Variants in GRTP1 observed in about 807,000 individuals in gnomAD.
GRTP1 encodes the protein growth hormone-regulated TBC protein 1.
In GRTP1, 56 loss-of-function variants were observed where a neutral mutation model predicts 38.1. That is an observed-to-expected ratio of 1.47 (90% CI 1.19 to 1.84). The LOEUF is 1.84. GRTP1 is among the 40% of genes most tolerant of loss of function. The probability of loss-of-function intolerance (pLI) is 0.00; values close to 1 mark genes in which losing one functional copy is unlikely to be tolerated. For missense variants in GRTP1, 506 were observed against 453.9 expected (o/e 1.11, Z -1.04); for synonymous variants, 217 against 189.5 (o/e 1.14, Z -1.19).
intron 3 of GRTP1, among the ~76,000 whole-genome samples, chr13:113,353,029 T>C (rs1294783534): frequency 6.7e-6 from 1 of 149,670 alleles, no homozygotes; most frequent in Non-Finnish European, 1.5e-5. Flanking sequence ...AGCCCCACAC[T>C]CTGGGTAGGA....
At chr13:113,325,237 G>T in intron 7 of GRTP1, 4 of 1,183,368 alleles carry the variant, frequency 3.4e-6, no homozygotes, top group Non-Finnish European at 4.2e-6. Flanking sequence ...GGAAACTACT[G>T]ACTCCCAGGC....
chr13:113,362,883 A>C (rs2043523453), intron 2 of GRTP1, among the ~76,000 whole-genome samples: 2 of 152,112 alleles, frequency 1.3e-5, no homozygotes, highest in South Asian at 4.1e-4. Context: ...TCCTAGCTCC[A>C]GGGCACACTC....
intron 5 of GRTP1, among the ~76,000 whole-genome samples, chr13:113,329,235 C>T (rs1045067811): frequency 6.6e-6 from 1 of 152,206 alleles, no homozygotes; most frequent in African/African-American, 2.4e-5. Context: ...GTATAATCCA[C>T]GCATAACACA....
At chr13:113,351,041 C>A in intron 3 of GRTP1, 68 bp from the exon 4 acceptor site, 1 of 1,600,316 alleles carries the variant, frequency 6.2e-7, no homozygotes, top group Non-Finnish European at 8.5e-7. Flanking sequence ...CTCCAGCTGC[C>A]CCGAGGGTGG....
At chr13:113,325,283 G>A in intron 7 of GRTP1, 1 of 1,280,396 alleles carries the variant, frequency 7.8e-7, no homozygotes, top group South Asian at 2.7e-5. Flanking sequence ...TCCTCAGAAG[G>A]CCTGTCAGGT....
chr13:113,348,825 C>T lies in GRTP1; in HGVS notation c.465+2024G>A, dbSNP rs905556083. On this transcript the variant is annotated intron_variant, in intron 4 of 7. Transcript: ENST00000375431. This position sits in a 1 kb window ranked among gnomAD's most constrained non-coding sequence, Gnocchi z 4.8. ...ACCCGCCCCGCAGACGCCGCGACCTCACCTGCCCCGCAGATGCCGCGACCT... is the reference window on the plus strand; with the variant it reads ...ACCCGCCCCGCAGACGCCGCGACCTTACCTGCCCCGCAGATGCCGCGACCT... Among the ~76,000 whole-genome samples the T allele has an allele frequency of 2.6e-5, 4 of 152,036 alleles. No individual in the cohort carries two copies. The highest frequency in any genetic ancestry group is 9.7e-5 in the African/African-American group (4 of 41,398).
chr13:113,344,866 G>A lies in GRTP1; in HGVS notation c.559C>T (p.Pro187Ser). 1.2e-6 allele frequency: 2 copies of A among 1,606,202 alleles called. No individual in the cohort carries two copies. The highest frequency in any genetic ancestry group is 1.3e-5 in the African/African-American group (1 of 74,736). Residue 187 changes from proline (P) to serine (S), a missense_variant, in exon 5 of 8, where the codon CCA (proline) becomes TCA (serine). Transcript: ENST00000375431. The stretch of plus-strand genomic sequence containing the variant: ...ACCGCAGGAATTTTCAACATACCTG[G>A]TAGTATTCTTCCAACAAGAGCATCT... ...LLDALVGRIL[P>S]DYYSPAMLGL...
At chr13:113,359,727 A>C (rs1218122906) in intron 2 of GRTP1, 2 of 152,140 alleles carry the variant, frequency 1.3e-5, no homozygotes, top group Non-Finnish European at 2.9e-5. Context: ...AACAGAAGGC[A>C]CCGAGCCTGC....
intron 2 of GRTP1, among the ~76,000 whole-genome samples, chr13:113,363,332 A>G (rs561195621): frequency 6.6e-6 from 1 of 152,184 alleles, no homozygotes; most frequent in African/African-American, 2.4e-5. Context: ...CTCAGCCTCC[A>G]GAGTAGCTGG....
chr13:113,344,797 G>A, intron 5 of GRTP1, 66 bp downstream of exon 5: 1 of 1,425,970 alleles, frequency 7.0e-7, no homozygotes, highest in South Asian at 1.3e-5. Flanking sequence ...TGATTTCTCA[G>A]CGGAATCATT....
intron 4 of GRTP1, among the ~76,000 whole-genome samples, chr13:113,350,071 T>G (rs1331683623): frequency 6.6e-6 from 1 of 152,020 alleles, no homozygotes; most frequent in East Asian, 1.9e-4. Context: ...TGCGCACACC[T>G]GGAAACCCTC....
Position 113,363,852 on chromosome 13 carries a change from A to C in GRTP1, c.91T>G (p.Phe31Val). Residue 31 changes from phenylalanine to valine, a missense_variant, in exon 2 of 8, where the codon TTT becomes GTT. Transcript: ENST00000375431. ...AGCGTGACCAGGTAGCTGGAGAAAA[A>C]CTTCTCGTAGGCGGCGTCGTCGAAG... is the stretch of plus-strand genomic sequence containing the variant. ...EDFDDAAYEK[F>V]FSSYLVTLTR... is the part of the protein sequence containing the mutation. The C allele has an allele frequency of 6.2e-7, 1 of 1,611,224 alleles. No individual in the cohort carries two copies. The highest frequency in any genetic ancestry group is 8.5e-7 in the Non-Finnish European group (1 of 1,179,414).
intron 3 of GRTP1, among the ~76,000 whole-genome samples, chr13:113,353,350 G>A (rs1331031046): frequency 6.6e-6 from 1 of 152,270 alleles, no homozygotes; most frequent in Non-Finnish European, 1.5e-5. Context: ...CGTGCGGCAG[G>A]AGAGCCCAGG....
Position 113,324,590 on chromosome 13 carries a change from C to T in GRTP1, c.922-13G>A, listed in dbSNP as rs773820730. 2 of 1,593,024 alleles carry T rather than the reference C, an allele frequency of 1.3e-6. No individual in the cohort carries two copies. The highest frequency in any genetic ancestry group is 4.6e-5 in the East Asian group (2 of 43,780). Reference sequence around the variant, plus strand: ...CTGAAAATATTTTCTGGAAGGCAAACAGTTAGTTTAAAAACAAACCCAACA... The same window carrying T: ...CTGAAAATATTTTCTGGAAGGCAAATAGTTAGTTTAAAAACAAACCCAACA... On this transcript the variant is annotated splice_polypyrimidine_tract_variant and intron_variant, in intron 7 of 7. Transcript: ENST00000375431.
intron 5 of GRTP1, among the ~76,000 whole-genome samples, chr13:113,338,908 ATTTTTTTTT>A (rs10534935): frequency 8.5e-4 from 80 of 93,612 alleles, no homozygotes; most frequent in Non-Finnish European, 1.5e-3. Flanking sequence ...TTCTGCTTAG[ATTTTTTTTT>A]TTTTTTTTTT....
intron 2 of GRTP1, among the ~76,000 whole-genome samples, chr13:113,356,353 T>C (rs111680072): frequency 0.15 from 22,058 of 152,040 alleles, 1,766 homozygotes; most frequent in African/African-American, 0.19. Context: ...CTGTAACCTC[T>C]GCCTCCCAGG....
intron 7 of GRTP1, chr13:113,325,438 C>A: frequency 6.9e-7 from 1 of 1,444,448 alleles, no homozygotes; most frequent in South Asian, 1.5e-5. Context: ...CCAGGAGCAG[C>A]GTCCGCAGTG....
At chr13:113,333,838 A>ATTTTTT (rs749095615) in intron 5 of GRTP1, among the ~76,000 whole-genome samples, 2 of 23,546 alleles carry the variant, frequency 8.5e-5, no homozygotes, top group African/African-American at 1.4e-4. Flanking sequence ...TTATTTATTT[A>ATTTTTT]GTGTGTGTGT....
At position 113,363,791 on chromosome 13, in the gene GRTP1, T is replaced by TGCA; in HGVS notation, c.149_151dup (p.Leu50dup). 1 of 1,605,776 alleles carries TGCA rather than the reference T, an allele frequency of 6.2e-7. No homozygotes were observed. The highest frequency in any genetic ancestry group is 8.5e-7 in the Non-Finnish European group (1 of 1,177,168). On this transcript the variant is annotated inframe_insertion, in exon 2 of 8. Transcript: ENST00000375431. ...CCGGCTCCTGGGGACGCCCCCGCCC[T>TGCA]GCAGCAGCCGGGACCATTTGATCGC...
Sources: allele counts gnomAD v4.1 joint callset (sites outside exome capture counted in the v4.1 genomes callset), GRCh38; gene constraint gnomAD v4.1.1; non-coding constraint Gnocchi (gnomAD v3.1); transcripts MANE v1.5; gene names NCBI Gene and HGNC (gene_info 2026-07-23, HGNC 2026-07-21).